Variants in MDGA2 observed in about 807,000 individuals in gnomAD.
MDGA2 encodes MAM domain containing glycosylphosphatidylinositol anchor 2, also known as MAM domain-containing glycosylphosphatidylinositol anchor protein 2.
A neutral mutation model predicts 117.8 loss-of-function variants in MDGA2; 40 were observed. The ratio of observed to expected loss-of-function variants is 0.34; its 90% confidence interval spans 0.26 to 0.44. The LOEUF (loss-of-function observed/expected upper bound fraction) is 0.44. Among genes scored for constraint, MDGA2 ranks in the 20% least tolerant of loss-of-function variants. The pLI, the probability that MDGA2 is intolerant of heterozygous loss-of-function variation, is 1.00. For missense variants in MDGA2, 1,123 were observed against 1,250.6 expected, an observed-to-expected ratio of 0.90 and a Z score of 1.54; for synonymous variants, 452 against 439.0, an observed-to-expected ratio of 1.03 and a Z score of -0.37.
intron 9 of MDGA2, among the ~76,000 whole-genome samples, chr14:46,956,160 A>G (rs1036947819): frequency 3.9e-5 from 6 of 152,150 alleles, no homozygotes; most frequent in African/African-American, 1.2e-4. Context: ...TATGCTATTA[A>G]TAAGTTTTAA....
chr14:47,202,099 T>C (rs1455589168), intron 3 of MDGA2, among the ~76,000 whole-genome samples: 1 of 152,218 alleles, frequency 6.6e-6, no homozygotes, highest in Non-Finnish European at 1.5e-5. Context: ...CTTTTTCTTC[T>C]TAGCATCCTT....
At chr14:47,110,921 T>C (rs1242650493) in intron 5 of MDGA2, among the ~76,000 whole-genome samples, 1 of 152,158 alleles carries the variant, frequency 6.6e-6, no homozygotes, top group Non-Finnish European at 1.5e-5. Flanking sequence ...AATAAACTCA[T>C]TGTAAATTTA....
intron 6 of MDGA2, among the ~76,000 whole-genome samples, chr14:47,083,272 A>T (rs1465163732): frequency 6.6e-6 from 1 of 152,032 alleles, no homozygotes; most frequent in Non-Finnish European, 1.5e-5. Flanking sequence ...TCCACATCTA[A>T]GCACTTACTA....
chr14:47,600,123 C>T (rs966725665), intron 1 of MDGA2, among the ~76,000 whole-genome samples: 7 of 151,980 alleles, frequency 4.6e-5, no homozygotes, highest in Non-Finnish European at 7.4e-5. Flanking sequence ...GGGCCAGGCG[C>T]GGTGGCTCAT....
chr14:47,435,147 A>G (rs998306138), intron 1 of MDGA2, among the ~76,000 whole-genome samples: 1 of 152,098 alleles, frequency 6.6e-6, no homozygotes, highest in Non-Finnish European at 1.5e-5. Flanking sequence ...AAAACAAAAC[A>G]AAGCAAAACA....
intron 1 of MDGA2, among the ~76,000 whole-genome samples, chr14:47,529,237 T>G (rs1895042365): frequency 6.6e-6 from 1 of 152,196 alleles, no homozygotes; most frequent in African/African-American, 2.4e-5. Context: ...TTAGCGAGTT[T>G]ATTTTCAGAT....
chr14:46,895,110 C>G lies in MDGA2; in HGVS notation c.2239-12889G>C, dbSNP rs550069676. Among the ~76,000 whole-genome samples, 85 of 152,192 alleles carry G rather than the reference C, an allele frequency of 5.6e-4. 1 individual carries two copies. Among genetic ancestry groups the G allele is most frequent in the South Asian group, 2.1e-3 (10 of 4,816 alleles). The stretch of plus-strand genomic sequence containing the variant: ...TTTTAGTTTTTATTCATCTTGGTAT[C>G]TGATATGGTTTGGCTGTGTCTCCAC... On this transcript the variant is annotated intron_variant, in intron 10 of 16. Transcript: ENST00000399232.
chr14:47,092,233 G>C (rs562389452), intron 6 of MDGA2, among the ~76,000 whole-genome samples: 28 of 152,232 alleles, frequency 1.8e-4, no homozygotes, highest in African/African-American at 6.7e-4. Flanking sequence ...AGAACCAGAA[G>C]GACTGGCTGA....
chr14:47,238,715 G>A lies in MDGA2; in HGVS notation c.421-20520C>T, dbSNP rs184036683. ...TATGAAAAGACTTTAAAGCTTAGCAGTGTTAGGAAGAATAGAAAGTAAAAG... is the reference window on the plus strand; with the variant it reads ...TATGAAAAGACTTTAAAGCTTAGCAATGTTAGGAAGAATAGAAAGTAAAAG... On this transcript the variant is annotated intron_variant, in intron 2 of 16. Coordinates refer to ENST00000399232, the MANE Select transcript of MDGA2 (RefSeq NM_001113498.3). 5.9e-5 allele frequency among the ~76,000 whole-genome samples: 9 copies of A among 151,750 alleles called. No individual in the cohort carries two copies. In the East Asian group the frequency reaches 1.3e-3, roughly 23 times the overall value.
intron 2 of MDGA2, among the ~76,000 whole-genome samples, chr14:47,241,236 A>C (rs1566697801): frequency 6.6e-6 from 1 of 151,866 alleles, no homozygotes; most frequent in Admixed American, 6.6e-5. Flanking sequence ...AAATACCTTA[A>C]GTAATCCTAA....
At chr14:46,940,043 G>A (rs1884937929) in intron 9 of MDGA2, among the ~76,000 whole-genome samples, 2 of 152,134 alleles carry the variant, frequency 1.3e-5, no homozygotes, top group Admixed American at 1.3e-4. Flanking sequence ...TTATTGTATA[G>A]GCTAGTGGAC....
At chr14:47,658,133 C>A (rs898048806) in intron 1 of MDGA2, among the ~76,000 whole-genome samples, 1 of 151,942 alleles carries the variant, frequency 6.6e-6, no homozygotes, top group Admixed American at 6.6e-5. Context: ...TTTATTTGGG[C>A]TCCTTATGCA....
intron 8 of MDGA2, among the ~76,000 whole-genome samples, chr14:46,971,533 T>C (rs547752380): frequency 6.6e-6 from 1 of 152,160 alleles, no homozygotes; most frequent in East Asian, 1.9e-4. Flanking sequence ...AGAGTATAGA[T>C]AGATATCAGA....
chr14:47,344,896 T>C (rs1200307734), intron 1 of MDGA2, among the ~76,000 whole-genome samples: 3 of 151,950 alleles, frequency 2.0e-5, no homozygotes, highest in Non-Finnish European at 4.4e-5. Context: ...TGTGTGTTTA[T>C]GACATACACA....
chr14:47,284,781 TG>T (rs762255049), intron 2 of MDGA2, among the ~76,000 whole-genome samples: 9 of 149,808 alleles, frequency 6.0e-5, no homozygotes, highest in Admixed American at 2.7e-4. Context: ...TGCTCTCCTG[TG>T]GTAAGAAACT....
chr14:47,396,395 A>C (rs2138449091), intron 1 of MDGA2, among the ~76,000 whole-genome samples: 1 of 152,240 alleles, frequency 6.6e-6, no homozygotes, highest in South Asian at 2.1e-4. Context: ...TCTAGAAAAA[A>C]CCTAGGCAAT....
intron 10 of MDGA2, among the ~76,000 whole-genome samples, chr14:46,892,312 A>G (rs1882914876): frequency 6.6e-6 from 1 of 151,842 alleles, no homozygotes; most frequent in Non-Finnish European, 1.5e-5. Context: ...ATCCACATGC[A>G]AAAGAATGAA....
intron 2 of MDGA2, among the ~76,000 whole-genome samples, chr14:47,256,920 A>C (rs1166800617): frequency 1.3e-5 from 2 of 151,770 alleles, no homozygotes; most frequent in Admixed American, 1.3e-4. Context: ...AAGAAAAAGA[A>C]AGAGGAATGA....
At chr14:47,537,112 T>C (rs1012658665) in intron 1 of MDGA2, among the ~76,000 whole-genome samples, 6 of 151,984 alleles carry the variant, frequency 3.9e-5, no homozygotes, top group Non-Finnish European at 8.8e-5. Flanking sequence ...GTGAAAAAAT[T>C]TGAGAACTGT....
Sources: gnomAD v4.1 joint callset for allele counts (sites outside exome capture counted in the v4.1 genomes callset) on GRCh38, gnomAD v4.1.1 for gene constraint, MANE v1.5 for transcripts, NCBI Gene and HGNC (gene_info 2026-07-23, HGNC 2026-07-21) for gene names.